The following PNP variants were observed in gnomAD, a reference collection of about 807,000 sequenced individuals.
The protein encoded by PNP is HEL-S-156an.
A neutral mutation model predicts 26.8 loss-of-function variants in PNP; 18 were observed. The ratio of observed to expected loss-of-function variants is 0.67; its 90% confidence interval spans 0.46 to 1.00. The LOEUF (loss-of-function observed/expected upper bound fraction) is 1.00. Ranked by LOEUF, PNP falls within the 50% of genes least tolerant of loss-of-function variation. The pLI, the probability that PNP is intolerant of heterozygous loss-of-function variation, is 0.00. For synonymous variants in PNP, 116 were observed against 124.8 expected (o/e 0.93, Z 0.47); for missense variants, 320 against 362.9 (o/e 0.88, Z 0.96).
At position 20,475,338 on chromosome 14, in the gene PNP, A is replaced by C. The variant is rs895772862; in HGVS notation, c.652+86A>C. 8 of 1,148,134 alleles carry C rather than the reference A, an allele frequency of 7.0e-6. No individual in the cohort carries two copies. The African/African-American group carries it at 1.1e-4, about 15-fold the overall frequency. The allele number at this position is 1,148,134 out of a possible 1,614,324, so 71.1% of individuals were successfully genotyped here. ...GAAGGAGTAGGAAATAACAGGCCTC[A>C]TTGGACTGAGAGGATCTGATTTCAG... On this transcript the variant is annotated intron_variant, in intron 5 of 5. Coordinates refer to ENST00000361505, the MANE Select transcript of PNP (RefSeq NM_000270.4).
At position 20,475,235 on chromosome 14, in the gene PNP, T is replaced by C. The variant is rs765547179; in HGVS notation, c.635T>C (p.Leu212Pro). ...TVAECRVLQKLGADAVGMSTV... is the reference protein window; with the variant it reads ...TVAECRVLQKPGADAVGMSTV... ...GCAGAATGTCGTGTGCTGCAGAAGC[T>C]GGGAGCAGACGCTGTTGGTGAGAAG... Residue 212 changes from leucine (L) to proline (P), a missense_variant, in exon 5 of 6, where the codon CTG becomes CCG. Coordinates refer to ENST00000361505, the MANE Select transcript of PNP (RefSeq NM_000270.4). 1.2e-6 allele frequency: 2 copies of C among 1,612,810 alleles called. No individual in the cohort carries two copies. The highest frequency in any genetic ancestry group is 1.7e-5 in the Admixed American group (1 of 59,978).
In PNP at chr14:20,476,399, C is replaced by T. The variant is rs1350576362; in HGVS notation, c.668C>T (p.Pro223Leu). ...TCACTATCAGGCATGAGTACAGTAC[C>T]AGAAGTTATCGTTGCACGGCACTGT... ...GADAVGMSTV[P>L]EVIVARHCGL... The change falls in exon 6 of 6, where the codon CCA (proline) becomes CTA (leucine). Residue 223 changes from proline (P) to leucine (L), a missense_variant. By Grantham distance (98) the Pro-to-Leu change is moderately conservative. Coordinates refer to ENST00000361505, the MANE Select transcript of PNP (RefSeq NM_000270.4). 1.9e-6 allele frequency: 3 copies of T among 1,613,782 alleles called. No individual in the cohort carries two copies. The highest frequency in any genetic ancestry group is 2.5e-6 in the Non-Finnish European group (3 of 1,179,772).
chr14:20,474,414 G>T, intron 2 of PNP, 58 bp from the exon 3 acceptor site: 1 of 1,404,704 alleles, frequency 7.1e-7, no homozygotes, highest in South Asian at 1.2e-5. Context: ...GGTGCTTAAT[G>T]GATATGTGTT....
Position 20,475,105 on chromosome 14 carries a change from A to C in PNP, c.505A>C (p.Thr169Pro). ...FPAMSDAYDR[T>P]MRQRALSTWK... ...TGCCATGTCTGATGCCTACGACCGG[A>C]CTATGAGGCAGAGGGCTCTCAGTAC... Residue 169 changes from threonine (T) to proline (P), a missense_variant, in exon 5 of 6, where the codon ACT (threonine) becomes CCT (proline). Physicochemically the swap from Thr to Pro is conservative, Grantham distance 38. Transcript: ENST00000361505. 6.2e-7 allele frequency: 1 copy of C among 1,614,180 alleles called. No homozygotes were observed. The highest frequency in any genetic ancestry group is 8.5e-7 in the Non-Finnish European group (1 of 1,180,038).
chr14:20,476,842 A>C lies in PNP; in HGVS notation c.*241A>C. ...GGCGCTACAAAATAAAGCTGTTCTCATTCCTGTTCTTTCTTACACAAGAGC... is the reference window on the plus strand; with the variant it reads ...GGCGCTACAAAATAAAGCTGTTCTCCTTCCTGTTCTTTCTTACACAAGAGC... On this transcript the variant is annotated 3_prime_UTR_variant, in exon 6 of 6. Coordinates refer to ENST00000361505, the MANE Select transcript of PNP (RefSeq NM_000270.4). 1 of 533,784 alleles carries C rather than the reference A, an allele frequency of 1.9e-6. No homozygotes were observed. Among genetic ancestry groups the C allele is most frequent in the South Asian group, 2.0e-5 (1 of 50,060 alleles). 33.1% of individuals were successfully genotyped at this position (533,784 alleles called of 1,614,324 possible). A position where few individuals can be genotyped will look rare whatever the true frequency, so the allele number is the denominator to read the frequency against.
chr14:20,475,529 G>A (rs920725919), intron 5 of PNP, among the ~76,000 whole-genome samples: 10 of 152,158 alleles, frequency 6.6e-5, no homozygotes, highest in African/African-American at 2.4e-4. Context: ...GTGTTGCCCA[G>A]GCTGGAGTGC....
At chr14:20,471,683 CAA>C (rs1345241121) in intron 1 of PNP, among the ~76,000 whole-genome samples, 5 of 151,904 alleles carry the variant, frequency 3.3e-5, no homozygotes, top group Non-Finnish European at 5.9e-5. Context: ...TTGGTTAAAA[CAA>C]AAAAGAAATG....
rs771602232 is a variant in PNP, at chr14:20,474,940, T to C, written c.453T>C (p.Asn151=). 2 of 1,614,066 alleles carry C rather than the reference T, an allele frequency of 1.2e-6. No homozygotes were observed. The highest frequency in any genetic ancestry group is 3.3e-5 in the Admixed American group (2 of 60,006). ...GTCAGAACCCTCTCAGAGGGCCCAA[T>C]GATGAAAGGTATGTATGTTACTCCG... is the stretch of plus-strand genomic sequence containing the variant. ...FSGQNPLRGP[N]DERFGDRFPA... is the part of the protein sequence containing the mutation. Residue 151 remains asparagine (N), a synonymous_variant, in exon 4 of 6, where the codon AAT becomes AAC. Transcript: ENST00000361505.
Position 20,472,433 on chromosome 14 carries a change from A to C in PNP, c.137A>C (p.Gln46Pro). 1 of 1,614,154 alleles carries C rather than the reference A, an allele frequency of 6.2e-7. No individual in the cohort carries two copies. The highest frequency in any genetic ancestry group is 8.5e-7 in the Non-Finnish European group (1 of 1,179,962). The stretch of plus-strand genomic sequence containing the variant: ...CTGACTGATAAATTAACTCAGGCCC[A>C]GATCTTTGACTACGGTGAAATCCCC... ...GGLTDKLTQA[Q>P]IFDYGEIPNF... Residue 46 changes from glutamine to proline, a missense_variant, in exon 2 of 6, where the codon CAG becomes CCG. By Grantham distance (76) the Gln-to-Pro change is moderately conservative (BLOSUM62 -1). Coordinates refer to ENST00000361505, the MANE Select transcript of PNP (RefSeq NM_000270.4).
At position 20,474,760 on chromosome 14, in the gene PNP, G is replaced by A. The variant is rs1421236672; in HGVS notation, c.286-13G>A. 2 of 1,613,302 alleles carry A rather than the reference G, an allele frequency of 1.2e-6. No homozygotes were observed. The highest frequency in any genetic ancestry group is 4.5e-5 in the East Asian group (2 of 44,890). On this transcript the variant is annotated splice_polypyrimidine_tract_variant and intron_variant, in intron 3 of 5. Transcript: ENST00000361505. ...AAATTTTGTAAATTTTTTTCGGATT[G>A]TTTGCTTCGAAGGTGACATTCCCAG...
intron 1 of PNP, 105 bp downstream of exon 1, chr14:20,469,640 C>T (rs1027946421): frequency 1.4e-6 from 2 of 1,434,608 alleles, no homozygotes; most frequent in African/African-American, 1.4e-5. Flanking sequence ...GGAGCGAGCG[C>T]CCAGGGGATG....
chr14:20,471,657 G>A (rs1881991099), intron 1 of PNP, among the ~76,000 whole-genome samples: 1 of 152,142 alleles, frequency 6.6e-6, no homozygotes, highest in South Asian at 2.1e-4. Context: ...ACCAGGGGTG[G>A]TCCCATTGTG....
At chr14:20,471,637 G>A (rs1287072612) in intron 1 of PNP, among the ~76,000 whole-genome samples, 1 of 152,102 alleles carries the variant, frequency 6.6e-6, no homozygotes, top group Admixed American at 6.6e-5. Flanking sequence ...AGAATGGCAC[G>A]TAGACCTCTA....
chr14:20,476,812 A>G lies in PNP; in HGVS notation c.*211A>G. 1 of 597,690 alleles carries G rather than the reference A, an allele frequency of 1.7e-6. No individual in the cohort carries two copies. Among genetic ancestry groups the G allele is most frequent in the Non-Finnish European group, 3.0e-6 (1 of 334,184 alleles). The allele number at this position is 597,690 out of a possible 1,614,324, so 37.0% of individuals were successfully genotyped here. A position where few individuals can be genotyped will look rare whatever the true frequency, so the allele number is the denominator to read the frequency against. Reference sequence around the variant, plus strand: ...GGATTACAGGTGTGAGCATAGTGAGACCTTGGCGCTACAAAATAAAGCTGT... The same window carrying G: ...GGATTACAGGTGTGAGCATAGTGAGGCCTTGGCGCTACAAAATAAAGCTGT... On this transcript the variant is annotated 3_prime_UTR_variant, in exon 6 of 6. Transcript: ENST00000361505.
rs771994250 is a variant in PNP at position 20,472,375 on chromosome 14, G to A, written c.79G>A (p.Val27Ile). 5 of 1,613,862 alleles carry A rather than the reference G, an allele frequency of 3.1e-6. No individual in the cohort carries two copies. Among genetic ancestry groups the A allele is most frequent in the South Asian group, 1.1e-5 (1 of 91,076 alleles). The change falls in exon 2 of 6, where the codon GTT becomes ATT. Residue 27 changes from valine to isoleucine, a missense_variant. Physicochemically the swap from Val to Ile is conservative, Grantham distance 29. Coordinates refer to ENST00000361505, the MANE Select transcript of PNP (RefSeq NM_000270.4). The part of the protein sequence containing the change: ...LLSHTKHRPQ[V>I]AIICGSGLGG... ...GTCTCACACTAAGCACCGACCTCAA[G>A]TTGCAATAATCTGTGGTTCTGGATT...
intron 5 of PNP, among the ~76,000 whole-genome samples, chr14:20,475,713 C>A (rs17879913): frequency 6.6e-6 from 1 of 152,112 alleles, no homozygotes; most frequent in African/African-American, 2.4e-5. Context: ...CTTGAACTCG[C>A]GACCTCAGGT....
Position 20,472,359 on chromosome 14 carries a change from T to A in PNP, c.63T>A (p.Thr21=), listed in dbSNP as rs770202045. 1 of 1,613,830 alleles carries A rather than the reference T, an allele frequency of 6.2e-7. No homozygotes were observed. Among genetic ancestry groups the A allele is most frequent in the Non-Finnish European group, 8.5e-7 (1 of 1,179,652 alleles). The change falls in exon 2 of 6, where the codon ACT becomes ACA. Residue 21 remains threonine (T), a synonymous_variant. Transcript: ENST00000361505. ...CTGCAGAATGGCTTCTGTCTCACACTAAGCACCGACCTCAAGTTGCAATAA... is the reference window on the plus strand; with the variant it reads ...CTGCAGAATGGCTTCTGTCTCACACAAAGCACCGACCTCAAGTTGCAATAA... ...KNTAEWLLSH[T]KHRPQVAIIC...
At position 20,476,260 on chromosome 14, in the gene PNP, C is replaced by T. The variant is rs1472081794; in HGVS notation, c.653-124C>T. On this transcript the variant is annotated intron_variant, in intron 5 of 5. Transcript: ENST00000361505. ...GTACTGGGATTACAGGTGTGAACCA[C>T]TGCACCCGGCCATCTTTGGATGTTT... 4 of 826,426 alleles carry T rather than the reference C, an allele frequency of 4.8e-6. No individual in the cohort carries two copies. The African/African-American group carries it at 5.0e-5, about 10-fold the overall frequency. The allele number at this position is 826,426 out of a possible 1,614,324, so 51.2% of individuals were successfully genotyped here.
rs886050389 is a variant in PNP, at chr14:20,475,149, G to T, written c.549G>T (p.Glu183Asp). ...TCAGTACCTGGAAACAAATGGGGGA[G>T]CAACGTGAGCTACAGGAAGGCACCT... ...RALSTWKQMG[E>D]QRELQEGTYV... is the part of the protein sequence containing the mutation. Residue 183 changes from glutamate to aspartate, a missense_variant, in exon 5 of 6, where the codon GAG becomes GAT. Glu to Asp is a conservative substitution (Grantham distance 45). Coordinates refer to ENST00000361505, the MANE Select transcript of PNP (RefSeq NM_000270.4). 3 of 1,614,214 alleles carry T rather than the reference G, an allele frequency of 1.9e-6. No individual in the cohort carries two copies. The South Asian group carries it at 3.3e-5, about 18-fold the overall frequency.
Sources: allele counts gnomAD v4.1 joint callset (sites outside exome capture counted in the v4.1 genomes callset), GRCh38; gene constraint gnomAD v4.1.1; transcripts MANE v1.5; gene names NCBI Gene and HGNC (gene_info 2026-07-23, HGNC 2026-07-21).